DLG2: variants seen among roughly 807,000 people sequenced by gnomAD.
The protein encoded by DLG2 is discs large MAGUK scaffold protein 2.
DLG2 carries 45 observed loss-of-function variants against 132.5 expected under a neutral mutation model. That is an observed-to-expected ratio of 0.34 (90% CI 0.27 to 0.44). The LOEUF is 0.44. Ranked by LOEUF, DLG2 falls within the 20% of genes least tolerant of loss-of-function variation. The pLI, the probability that DLG2 is intolerant of heterozygous loss-of-function variation, is 1.00. For synonymous variants in DLG2, 424 were observed against 419.6 expected (o/e 1.01, Z -0.13); for missense variants, 1,045 against 1,196.9 (o/e 0.87, Z 1.87).
At chr11:83,505,928 T>C (rs753247983) in intron 21 of DLG2, among the ~76,000 whole-genome samples, 29 of 152,176 alleles carry the variant, frequency 1.9e-4, no homozygotes, top group African/African-American at 9.7e-5. Flanking sequence ...CATGAGGCCA[T>C]TGGTGCAGGG....
rs78126207 is a variant in DLG2, at chr11:84,109,882, A to T, written c.625-10835T>A. On this transcript the variant is annotated intron_variant, in intron 9 of 27. Transcript: ENST00000376104. ...TACCATAGCAAGAAATCTGATAGTC[A>T]TCCTTGACTCCTGCCTCCCCATCGG... Among the ~76,000 whole-genome samples, 6 of 152,312 alleles carry T rather than the reference A, an allele frequency of 3.9e-5. No individual in the cohort carries two copies. The East Asian group carries it at 1.2e-3, about 29-fold the overall frequency.
In DLG2 at chr11:85,492,982, C is replaced by T. The variant is rs1248640193; in HGVS notation, c.40+105675G>A. Among the ~76,000 whole-genome samples the T allele has an allele frequency of 6.6e-5, 10 of 151,784 alleles. No homozygotes were observed. The South Asian group carries it at 1.3e-3, about 19-fold the overall frequency. ...TTGGAGTGACTTTTGAAGGAGTTAG[C>T]GCTAAGTATCATACTCCAAGCTATA... is the stretch of plus-strand genomic sequence containing the variant. On this transcript the variant is annotated intron_variant, in intron 3 of 27. Coordinates refer to ENST00000376104, the MANE Select transcript of DLG2 (RefSeq NM_001142699.3).
intron 7 of DLG2, among the ~76,000 whole-genome samples, chr11:84,299,554 T>C (rs2098129701): frequency 6.6e-6 from 1 of 152,186 alleles, no homozygotes; most frequent in Non-Finnish European, 1.5e-5. Context: ...ACTAAGTGAA[T>C]TGTAAAACAG....
At chr11:84,013,093 A>G (rs930991825) in intron 11 of DLG2, among the ~76,000 whole-genome samples, 1 of 152,170 alleles carries the variant, frequency 6.6e-6, no homozygotes, top group African/African-American at 2.4e-5. Context: ...TTACTTCTCT[A>G]ATTTTTCAGG....
chr11:84,712,712 T>C (rs1316632632), intron 6 of DLG2, among the ~76,000 whole-genome samples: 1 of 152,120 alleles, frequency 6.6e-6, no homozygotes, highest in African/African-American at 2.4e-5. Flanking sequence ...CCAGGCATTG[T>C]GCTAAATGTT....
At chr11:83,951,422 G>A (rs772455684) in intron 14 of DLG2, among the ~76,000 whole-genome samples, 5 of 152,000 alleles carry the variant, frequency 3.3e-5, no homozygotes, top group Non-Finnish European at 4.4e-5. Context: ...GCAGGAATAA[G>A]CACTAGAGAG....
At chr11:84,165,036 G>C (rs1474362247) in intron 8 of DLG2, among the ~76,000 whole-genome samples, 5 of 152,096 alleles carry the variant, frequency 3.3e-5, no homozygotes, top group Non-Finnish European at 2.9e-5. Flanking sequence ...CAAACTCCTT[G>C]TATGTTTCCA....
rs35550650 is a variant in DLG2, at chr11:83,670,381, G to GAA, written c.1826-37058_1826-37057dup. 3.0e-3 allele frequency among the ~76,000 whole-genome samples: 448 copies of GAA among 149,200 alleles called. 4 individuals are homozygous for GAA. The highest frequency in any genetic ancestry group is 9.8e-3 in the African/African-American group (400 of 40,824). The stretch of plus-strand genomic sequence containing the variant: ...GCCAAGGCTAGGTTCTGGACATACA[G>GAA]AAAAAAAAAACCCATCACTGGTGAC... On this transcript the variant is annotated intron_variant, in intron 18 of 27. Coordinates refer to ENST00000376104, the MANE Select transcript of DLG2 (RefSeq NM_001142699.3).
intron 5 of DLG2, among the ~76,000 whole-genome samples, chr11:85,145,249 G>C (rs1489708416): frequency 6.6e-6 from 1 of 151,826 alleles, no homozygotes; most frequent in Non-Finnish European, 1.5e-5. Context: ...GCTTCATTTA[G>C]GATCCTTTCT....
At chr11:85,515,186 G>A (rs1210478507) in intron 3 of DLG2, among the ~76,000 whole-genome samples, 6 of 151,878 alleles carry the variant, frequency 4.0e-5, no homozygotes, top group Non-Finnish European at 8.8e-5. Flanking sequence ...TTTTGACCTA[G>A]TCCATCCAGT....
intron 11 of DLG2, among the ~76,000 whole-genome samples, chr11:84,010,761 C>G (rs1016832147): frequency 5.3e-5 from 8 of 152,084 alleles, no homozygotes; most frequent in Middle Eastern, 3.2e-3. Context: ...AATCAAAATA[C>G]CTACTGACAT....
At chr11:85,019,703 G>A (rs1306391637) in intron 6 of DLG2, among the ~76,000 whole-genome samples, 1 of 152,110 alleles carries the variant, frequency 6.6e-6, no homozygotes, top group African/African-American at 2.4e-5. Flanking sequence ...CCACCTATGA[G>A]TGAGAACATG....
chr11:84,372,521 C>G (rs555328515), intron 7 of DLG2, among the ~76,000 whole-genome samples: 4 of 152,170 alleles, frequency 2.6e-5, no homozygotes, highest in Non-Finnish European at 5.9e-5. Context: ...GCTTTAACTT[C>G]CCATGAACTA....
intron 6 of DLG2, among the ~76,000 whole-genome samples, chr11:85,030,601 A>T (rs1243469771): frequency 6.6e-6 from 1 of 152,210 alleles, no homozygotes; most frequent in African/African-American, 2.4e-5. Flanking sequence ...TATCATAGGA[A>T]GAAAGTTCCC....
chr11:85,138,592 T>A (rs185779759), intron 5 of DLG2, among the ~76,000 whole-genome samples: 119 of 152,284 alleles, frequency 7.8e-4, no homozygotes, highest in African/African-American at 2.7e-3. Context: ...GAATTCTATC[T>A]CCCAGAATTC....
At chr11:83,724,984 T>C (rs556700576) in intron 18 of DLG2, 1 of 697,024 alleles carries the variant, frequency 1.4e-6, no homozygotes, top group Admixed American at 2.0e-5. Flanking sequence ...ACACACCTCC[T>C]GACGCTCTTG....
chr11:83,641,893 ATGTGTGTT>A (rs2066657293), intron 18 of DLG2, among the ~76,000 whole-genome samples: 1 of 118,272 alleles, frequency 8.5e-6, no homozygotes, highest in African/African-American at 3.6e-5. Flanking sequence ...GTGTGTGTGT[ATGTGTGTT>A]TGTGTGTGTG....
chr11:85,262,750 G>C (rs2077009316), intron 4 of DLG2, among the ~76,000 whole-genome samples: 1 of 152,196 alleles, frequency 6.6e-6, no homozygotes, highest in African/African-American at 2.4e-5. Flanking sequence ...TTGGTCTGGT[G>C]ATACTTTCCA....
At chr11:85,287,110 A>G (rs2078605974) in intron 3 of DLG2, among the ~76,000 whole-genome samples, 1 of 152,140 alleles carries the variant, frequency 6.6e-6, no homozygotes, top group Non-Finnish European at 1.5e-5. Context: ...TATGCTTACT[A>G]TCTTTATTGT....
Sources: gnomAD v4.1 joint callset for allele counts (sites outside exome capture counted in the v4.1 genomes callset) on GRCh38, gnomAD v4.1.1 for gene constraint, MANE v1.5 for transcripts, NCBI Gene and HGNC (gene_info 2026-07-23, HGNC 2026-07-21) for gene names.